FHIT: variants seen among roughly 807,000 people sequenced by gnomAD.
FHIT encodes bis(5'-adenosyl)-triphosphatase.
Under a neutral mutation model 17.9 loss-of-function variants are expected in FHIT, and 19 were observed. The observed-to-expected ratio is 1.06, with a 90% CI of 0.74 to 1.56. The LOEUF is 1.56. Ranked by LOEUF, FHIT falls within the 40% of genes most tolerant of loss-of-function variation. The pLI, the probability that FHIT is intolerant of heterozygous loss-of-function variation, is 0.00. For missense variants in FHIT, 248 were observed against 189.2 expected, an observed-to-expected ratio of 1.31 and a Z score of -1.82; for synonymous variants, 81 against 69.7, an observed-to-expected ratio of 1.16 and a Z score of -0.81.
chr3:59,765,516 C>T (rs1701749061), intron 8 of FHIT, among the ~76,000 whole-genome samples: 1 of 152,228 alleles, frequency 6.6e-6, no homozygotes, highest in South Asian at 2.1e-4. Flanking sequence ...TTTACATTAA[C>T]TTGATCAAGA....
At chr3:60,293,202 T>C (rs575704151) in intron 5 of FHIT, among the ~76,000 whole-genome samples, 32 of 152,268 alleles carry the variant, frequency 2.1e-4, no homozygotes, top group African/African-American at 7.5e-4. Flanking sequence ...GGAGCCTAAA[T>C]ATGATATAGG....
chr3:60,603,477 G>A (rs782136550), intron 4 of FHIT, among the ~76,000 whole-genome samples: 2 of 151,280 alleles, frequency 1.3e-5, no homozygotes, highest in African/African-American at 4.9e-5. Flanking sequence ...TGTTTAGAAC[G>A]ATGCTCTTCA....
At chr3:60,941,527 A>G (rs1708406809) in intron 3 of FHIT, among the ~76,000 whole-genome samples, 1 of 152,232 alleles carries the variant, frequency 6.6e-6, no homozygotes, top group Non-Finnish European at 1.5e-5. Context: ...CTTCTCTAGA[A>G]GCAATCACTA....
At chr3:60,345,797 C>CT (rs1710746078) in intron 5 of FHIT, among the ~76,000 whole-genome samples, 1 of 152,124 alleles carries the variant, frequency 6.6e-6, no homozygotes, top group Non-Finnish European at 1.5e-5. Flanking sequence ...AAGAAAATGT[C>CT]TTTTTGAAAA....
chr3:59,921,713 C>A (rs533572906), intron 8 of FHIT, among the ~76,000 whole-genome samples: 1 of 152,312 alleles, frequency 6.6e-6, no homozygotes, highest in East Asian at 1.9e-4. Context: ...TGGAAATGGG[C>A]ATCTGAAAGT....
intron 8 of FHIT, among the ~76,000 whole-genome samples, chr3:59,826,636 C>A (rs901456075): frequency 1.3e-5 from 2 of 152,242 alleles, no homozygotes; most frequent in Non-Finnish European, 2.9e-5. Flanking sequence ...TTGTAGGAGA[C>A]ACAATGTGCG....
At chr3:59,958,778 CT>C (rs1375214052) in intron 7 of FHIT, among the ~76,000 whole-genome samples, 1 of 152,188 alleles carries the variant, frequency 6.6e-6, no homozygotes, top group African/African-American at 2.4e-5. Context: ...TGACTCTCTC[CT>C]TTTTTCTCCT....
intron 4 of FHIT, among the ~76,000 whole-genome samples, chr3:60,661,807 T>G (rs1735448): frequency 0.73 from 111,071 of 152,060 alleles, 41,449 homozygotes; most frequent in East Asian, 0.87. Context: ...TAATTAGTGA[T>G]GTCAAGCAGT....
At chr3:60,290,544 G>A (rs1205426521) in intron 5 of FHIT, among the ~76,000 whole-genome samples, 1 of 151,976 alleles carries the variant, frequency 6.6e-6, no homozygotes, top group Non-Finnish European at 1.5e-5. Context: ...ATCTGGAAGT[G>A]GAATGTCTCT....
chr3:59,755,320 G>C (rs991572048), intron 8 of FHIT, among the ~76,000 whole-genome samples: 3 of 152,170 alleles, frequency 2.0e-5, no homozygotes, highest in Non-Finnish European at 4.4e-5. Context: ...GCCTGGGAAA[G>C]GCCCTGGTGG....
rs1553654525 is a variant in FHIT, at chr3:60,027,148, C to CACAAAAAA, written c.104-12997_104-12996insTTTTTTGT. The stretch of plus-strand genomic sequence containing the variant: ...ACACACACACACACACACACACACA[C>CACAAAAAA]AAAATTAGTAAACCCAATAATCCAC... On this transcript the variant is annotated intron_variant, in intron 5 of 9. Transcript: ENST00000492590. Among the ~76,000 whole-genome samples the CACAAAAAA allele has an allele frequency of 8.7e-3, 1,091 of 125,816 alleles. 40 individuals carry two copies. The highest frequency in any genetic ancestry group is 0.028 in the African/African-American group (1,038 of 36,928). The allele number at this position is 125,816 out of a possible 152,430, so 82.5% of individuals were successfully genotyped here. A position where few individuals can be genotyped will look rare whatever the true frequency, so the allele number is the denominator to read the frequency against.
At chr3:60,850,337 CT>C (rs1703106317) in intron 3 of FHIT, among the ~76,000 whole-genome samples, 2 of 96,944 alleles carry the variant, frequency 2.1e-5, no homozygotes, top group African/African-American at 7.6e-5. Context: ...CTCTCTCTCT[CT>C]CTCTCTCTCT....
chr3:59,785,788 C>T (rs1702824908), intron 8 of FHIT, among the ~76,000 whole-genome samples: 1 of 152,226 alleles, frequency 6.6e-6, no homozygotes, highest in African/African-American at 2.4e-5. Context: ...ATATGCCAGA[C>T]GTCCTTCAGC....
At chr3:60,216,504 G>C (rs776841076) in intron 5 of FHIT, among the ~76,000 whole-genome samples, 7 of 152,100 alleles carry the variant, frequency 4.6e-5, no homozygotes, top group Non-Finnish European at 2.9e-5. Context: ...GAGAATATTT[G>C]AATGTCCCAA....
intron 8 of FHIT, among the ~76,000 whole-genome samples, chr3:59,784,292 C>A (rs1702737557): frequency 6.6e-6 from 1 of 152,248 alleles, no homozygotes; most frequent in African/African-American, 2.4e-5. Context: ...CTATTCTCTA[C>A]CTTCTACCAG....
At chr3:60,955,095 T>A (rs1709053206) in intron 3 of FHIT, among the ~76,000 whole-genome samples, 1 of 152,122 alleles carries the variant, frequency 6.6e-6, no homozygotes. Flanking sequence ...AAACGTTAAG[T>A]CAAATCTAGT....
At chr3:60,592,250 A>G (rs1308403711) in intron 4 of FHIT, among the ~76,000 whole-genome samples, 1 of 144,672 alleles carries the variant, frequency 6.9e-6, no homozygotes, top group Non-Finnish European at 1.5e-5. Flanking sequence ...CCATATATAT[A>G]CTATATATAC....
chr3:60,012,266 G>GTTT (rs769497004), intron 6 of FHIT, among the ~76,000 whole-genome samples: 1,363 of 112,428 alleles, frequency 0.012, 26 homozygotes, highest in South Asian at 0.037. Flanking sequence ...TTTTTTTGTT[G>GTTT]TTTTTTTTTT....
In FHIT at chr3:59,748,271, G is replaced by T. The variant is rs2106705579; in HGVS notation, c.*1314C>A. Among the ~76,000 whole-genome samples, 1 of 152,184 alleles carries T rather than the reference G, an allele frequency of 6.6e-6. No individual in the cohort carries two copies. Among genetic ancestry groups the T allele is most frequent in the East Asian group, 1.9e-4 (1 of 5,176 alleles). ...AATCAAGTAAATAATGCTCTAGGTG[G>T]TCCACAAAGATAAGAAAAATCATGA... is the stretch of plus-strand genomic sequence containing the variant. On this transcript the variant is annotated 3_prime_UTR_variant, in exon 10 of 10. Transcript: ENST00000492590.
Sources: gnomAD v4.1 joint callset for allele counts (sites outside exome capture counted in the v4.1 genomes callset) on GRCh38, gnomAD v4.1.1 for gene constraint, MANE v1.5 for transcripts, NCBI Gene and HGNC (gene_info 2026-07-23, HGNC 2026-07-21) for gene names.